The following UBE2E2 variants were observed in gnomAD, a reference collection of about 807,000 sequenced individuals.
The protein encoded by UBE2E2 is ubiquitin conjugating enzyme E2 E2, also known as ubiquitin-conjugating enzyme E2 E2.
Under a neutral mutation model 24.7 loss-of-function variants are expected in UBE2E2, and 6 were observed. The observed-to-expected ratio is 0.24, with a 90% confidence interval of 0.13 to 0.48. The LOEUF (loss-of-function observed/expected upper bound fraction) is 0.48. Among genes scored for constraint, UBE2E2 ranks in the 20% least tolerant of loss-of-function variants. UBE2E2 has a pLI of 0.99. For synonymous variants in UBE2E2, 104 were observed against 83.6 expected, an observed-to-expected ratio of 1.24 and a Z score of -1.33; for missense variants, 169 against 245.0, an observed-to-expected ratio of 0.69 and a Z score of 2.07.
At chr3:23,276,946 C>G (rs544096123) in intron 3 of UBE2E2, among the ~76,000 whole-genome samples, 1 of 151,022 alleles carries the variant, frequency 6.6e-6, no homozygotes, top group Admixed American at 6.6e-5. Flanking sequence ...ATTTTTCTCT[C>G]ATTCTTTAAA....
rs376212585 is a variant in UBE2E2 at position 23,481,879 on chromosome 3, CTG to C, written c.228-17725_228-17724del. On this transcript the variant is annotated intron_variant, in intron 3 of 5. Coordinates refer to ENST00000396703, the MANE Select transcript of UBE2E2 (RefSeq NM_152653.4). ...TTAAATAGCAGATCTTCTGTAAAAT[CTG>C]TGTTTGTTTTGCTTACAAAGAGAAG... Among the ~76,000 whole-genome samples, 41 of 152,292 alleles carry C rather than the reference CTG, an allele frequency of 2.7e-4. 1 individual carries two copies. The highest frequency in any genetic ancestry group is 9.9e-4 in the African/African-American group (41 of 41,566).
At chr3:23,554,816 C>T (rs1416936387) in intron 5 of UBE2E2, among the ~76,000 whole-genome samples, 2 of 151,990 alleles carry the variant, frequency 1.3e-5, no homozygotes, top group Non-Finnish European at 2.9e-5. Context: ...TATTTACAAG[C>T]TGTATATCTG....
At chr3:23,243,210 T>A (rs1226006457) in intron 3 of UBE2E2, among the ~76,000 whole-genome samples, 2 of 152,176 alleles carry the variant, frequency 1.3e-5, no homozygotes, top group Non-Finnish European at 2.9e-5. Context: ...CCATCCTAGT[T>A]TGTTTTTTTG....
At chr3:23,353,961 G>C (rs1365232556) in intron 3 of UBE2E2, among the ~76,000 whole-genome samples, 1 of 152,142 alleles carries the variant, frequency 6.6e-6, no homozygotes, top group East Asian at 1.9e-4. Context: ...AAAGCTGGAG[G>C]CATCACGCTA....
intron 3 of UBE2E2, among the ~76,000 whole-genome samples, chr3:23,405,526 A>G (rs1165777552): frequency 6.6e-6 from 1 of 152,144 alleles, no homozygotes; most frequent in Admixed American, 6.6e-5. Context: ...TTTTTCAGGT[A>G]ATTTTTCCCC....
At chr3:23,298,240 C>T (rs1239848363) in intron 3 of UBE2E2, among the ~76,000 whole-genome samples, 3 of 152,158 alleles carry the variant, frequency 2.0e-5, no homozygotes, top group Non-Finnish European at 2.9e-5. Flanking sequence ...CAAACAGGGA[C>T]AATTTGACTT....
chr3:23,489,030 T>C (rs974129522), intron 3 of UBE2E2, among the ~76,000 whole-genome samples: 1 of 152,116 alleles, frequency 6.6e-6, no homozygotes, highest in African/African-American at 2.4e-5. Context: ...CCTTTCTGGT[T>C]TTTTTACTTC....
At chr3:23,300,336 C>T (rs1168619133) in intron 3 of UBE2E2, among the ~76,000 whole-genome samples, 4 of 152,244 alleles carry the variant, frequency 2.6e-5, no homozygotes, top group Middle Eastern at 3.4e-3. Context: ...ATGATGTTAG[C>T]TGGTTATTTT....
At chr3:23,585,180 G>A (rs1696590963) in intron 5 of UBE2E2, among the ~76,000 whole-genome samples, 1 of 151,900 alleles carries the variant, frequency 6.6e-6, no homozygotes, top group Admixed American at 6.6e-5. Context: ...TTTAAGACCA[G>A]CCTGGGCAAC....
intron 3 of UBE2E2, among the ~76,000 whole-genome samples, chr3:23,441,277 T>C (rs752371683): frequency 1.5e-4 from 22 of 149,620 alleles, no homozygotes; most frequent in Non-Finnish European, 3.2e-4. Flanking sequence ...TCCCAGCCAG[T>C]ACTTTGGGAG....
At chr3:23,365,442 CA>C (rs2125335543) in intron 3 of UBE2E2, among the ~76,000 whole-genome samples, 1 of 152,284 alleles carries the variant, frequency 6.6e-6, no homozygotes, top group Non-Finnish European at 1.5e-5. Flanking sequence ...AATCAGTGCA[CA>C]AAAACCAGTA....
At chr3:23,492,090 C>A (rs927579720) in intron 3 of UBE2E2, among the ~76,000 whole-genome samples, 1 of 152,060 alleles carries the variant, frequency 6.6e-6, no homozygotes, top group Non-Finnish European at 1.5e-5. Flanking sequence ...AGGGTAGAAC[C>A]CCTAAGTAGG....
intron 3 of UBE2E2, among the ~76,000 whole-genome samples, chr3:23,226,243 A>G (rs1696823064): frequency 6.6e-6 from 1 of 150,520 alleles, no homozygotes; most frequent in Non-Finnish European, 1.5e-5. Context: ...TGTGGGGGTT[A>G]TTTTTTGAAA....
intron 5 of UBE2E2, among the ~76,000 whole-genome samples, chr3:23,552,079 A>C (rs1231230101): frequency 6.6e-6 from 1 of 152,160 alleles, no homozygotes; most frequent in Non-Finnish European, 1.5e-5. Flanking sequence ...AGCCAGCACC[A>C]TGATCTTTGA....
intron 3 of UBE2E2, among the ~76,000 whole-genome samples, chr3:23,473,410 G>A (rs1699066001): frequency 6.6e-6 from 1 of 151,990 alleles, no homozygotes; most frequent in South Asian, 2.1e-4. Context: ...GGTTGGGAAA[G>A]CTAGACCAAA....
At chr3:23,354,507 A>G (rs1270238844) in intron 3 of UBE2E2, among the ~76,000 whole-genome samples, 1 of 152,236 alleles carries the variant, frequency 6.6e-6, no homozygotes, top group Admixed American at 6.5e-5. Flanking sequence ...AATATCCAGA[A>G]TCTACAATGA....
chr3:23,545,239 G>A (rs1339596120), intron 5 of UBE2E2, among the ~76,000 whole-genome samples: 5 of 152,128 alleles, frequency 3.3e-5, no homozygotes, highest in Admixed American at 2.6e-4. Context: ...GGAGGGTCAG[G>A]TCTTTCCCTT....
intron 4 of UBE2E2, among the ~76,000 whole-genome samples, chr3:23,510,079 G>A (rs948840317): frequency 1.8e-4 from 27 of 152,084 alleles, no homozygotes; most frequent in African/African-American, 4.6e-4. Context: ...GGATCTCTCC[G>A]TAAGGTAGCA....
intron 3 of UBE2E2, among the ~76,000 whole-genome samples, chr3:23,402,926 A>G (rs899867006): frequency 3.9e-5 from 6 of 152,040 alleles, no homozygotes; most frequent in Admixed American, 3.3e-4. Context: ...CAGCTCAACC[A>G]CCCTTGACAT....
Sources: gnomAD v4.1 joint callset for allele counts (sites outside exome capture counted in the v4.1 genomes callset) on GRCh38, gnomAD v4.1.1 for gene constraint, MANE v1.5 for transcripts, NCBI Gene and HGNC (gene_info 2026-07-23, HGNC 2026-07-21) for gene names.